TENM2: variants seen among roughly 807,000 people sequenced by gnomAD.
TENM2 encodes the protein teneurin transmembrane protein 2.
A neutral mutation model predicts 245.2 loss-of-function variants in TENM2; 52 were observed. The observed-to-expected ratio is 0.21, with a 90% CI of 0.17 to 0.27. The LOEUF is 0.27. TENM2 is among the 10% of genes least tolerant of loss of function. The pLI is 1.00. For missense variants in TENM2, 3,046 were observed against 3,666.8 expected, an observed-to-expected ratio of 0.83 and a Z score of 4.37; for synonymous variants, 1,363 against 1,438.9, an observed-to-expected ratio of 0.95 and a Z score of 1.19.
chr5:167,478,213 C>T (rs1482218099), intron 2 of TENM2, among the ~76,000 whole-genome samples: 2 of 152,160 alleles, frequency 1.3e-5, no homozygotes, highest in African/African-American at 4.8e-5. Context: ...GAAAATAAAA[C>T]AATCCAAATG....
exon 27 of TENM2, chr5:168,248,223 T>C: frequency 6.2e-7 from 1 of 1,613,978 alleles, no homozygotes; most frequent in Non-Finnish European, 8.5e-7. Flanking sequence ...TCACTCAGCG[T>C]GATTATGATG....
chr5:167,268,812 A>T, the TENM2 span, among the ~76,000 whole-genome samples: 1 of 152,008 alleles, frequency 6.6e-6, no homozygotes, highest in Non-Finnish European at 1.5e-5. Flanking sequence ...TTTACAGAAG[A>T]TGTTTGTTGA....
intron 2 of TENM2, among the ~76,000 whole-genome samples, chr5:167,562,236 C>T (rs200860648): frequency 2.0e-5 from 3 of 152,200 alleles, no homozygotes; most frequent in East Asian, 3.9e-4. Context: ...GAAAATTGAA[C>T]ATAGAGAGCT....
the TENM2 span, among the ~76,000 whole-genome samples, chr5:167,009,838 A>T: frequency 7.7e-3 from 1,170 of 152,264 alleles, 14 homozygotes; most frequent in African/African-American, 0.027. Context: ...CATCCATCAC[A>T]TTGGTTTTTA....
At chr5:167,766,649 G>A (rs1262777118) in intron 2 of TENM2, among the ~76,000 whole-genome samples, 1 of 152,088 alleles carries the variant, frequency 6.6e-6, no homozygotes, top group African/African-American at 2.4e-5. Flanking sequence ...GGCTGAGGCG[G>A]GCAGATCACC....
chr5:168,208,241 G>A (rs1386237745), intron 19 of TENM2, among the ~76,000 whole-genome samples: 10 of 152,206 alleles, frequency 6.6e-5, no homozygotes, highest in Non-Finnish European at 1.3e-4. Flanking sequence ...ATAAACATAA[G>A]AATCTCACAC....
At chr5:167,399,297 A>C (rs773680917) in intron 2 of TENM2, among the ~76,000 whole-genome samples, 41 of 152,176 alleles carry the variant, frequency 2.7e-4, no homozygotes, top group Non-Finnish European at 4.9e-4. Flanking sequence ...ATCAAAGCCA[A>C]TAATAAGCCA....
intron 14 of TENM2, among the ~76,000 whole-genome samples, chr5:168,191,508 G>A (rs1465724265): frequency 6.6e-6 from 1 of 152,108 alleles, no homozygotes; most frequent in Non-Finnish European, 1.5e-5. Flanking sequence ...CATCTCTGTG[G>A]TCCTTCACAT....
the TENM2 span, among the ~76,000 whole-genome samples, chr5:167,185,614 T>C: frequency 6.6e-6 from 1 of 152,258 alleles, no homozygotes; most frequent in South Asian, 2.1e-4. Flanking sequence ...TTCCATGAGA[T>C]TCTTATCTAG....
chr5:167,415,325 A>G (rs1032906379), intron 2 of TENM2, among the ~76,000 whole-genome samples: 2 of 152,152 alleles, frequency 1.3e-5, no homozygotes, highest in Non-Finnish European at 2.9e-5. Flanking sequence ...TGATATATGC[A>G]TATTTGTAGC....
At chr5:167,321,408 T>C (rs1383357309) in intron 1 of TENM2, among the ~76,000 whole-genome samples, 1 of 152,130 alleles carries the variant, frequency 6.6e-6, no homozygotes, top group African/African-American at 2.4e-5. Context: ...CACATAGAAG[T>C]TATTTTGAAG....
chr5:167,293,746 T>TA (rs1754790443), intron 1 of TENM2, among the ~76,000 whole-genome samples: 2 of 152,118 alleles, frequency 1.3e-5, no homozygotes, highest in African/African-American at 4.8e-5. Context: ...AACCTAAGTA[T>TA]AAAAAATGTA....
At chr5:167,530,494 A>G (rs1293151916) in intron 2 of TENM2, among the ~76,000 whole-genome samples, 1 of 152,086 alleles carries the variant, frequency 6.6e-6, no homozygotes, top group Non-Finnish European at 1.5e-5. Flanking sequence ...TTAGACCCTT[A>G]TATTTTTGGC....
intron 13 of TENM2, among the ~76,000 whole-genome samples, chr5:168,173,468 TCA>T (rs1179048671): frequency 6.6e-6 from 1 of 152,142 alleles, no homozygotes; most frequent in Non-Finnish European, 1.5e-5. Flanking sequence ...CTAGGGTACC[TCA>T]CAGTGAGTGT....
chr5:167,657,854 C>T, intron 2 of TENM2, among the ~76,000 whole-genome samples: 1 of 152,162 alleles, frequency 6.6e-6, no homozygotes, highest in East Asian at 1.9e-4. Flanking sequence ...GTTTGCCAGT[C>T]CCTGATCTAG....
the TENM2 span, among the ~76,000 whole-genome samples, chr5:167,239,875 C>A: frequency 1.3e-5 from 2 of 152,122 alleles, no homozygotes; most frequent in African/African-American, 4.8e-5. Context: ...CAGATTCAAG[C>A]GATTCTCCTG....
chr5:167,971,631 G>C (rs1256702920), intron 4 of TENM2, among the ~76,000 whole-genome samples: 2 of 152,106 alleles, frequency 1.3e-5, no homozygotes, highest in African/African-American at 4.8e-5. Flanking sequence ...AACCTGGGAG[G>C]CGAAGGTTGC....
chr5:166,981,650 A>G, the TENM2 span, among the ~76,000 whole-genome samples: 1 of 152,314 alleles, frequency 6.6e-6, no homozygotes, highest in East Asian at 1.9e-4. Context: ...GTTATGTAAC[A>G]TATTCAGATC....
intron 1 of TENM2, among the ~76,000 whole-genome samples, chr5:167,315,247 C>A (rs963668436): frequency 1.3e-5 from 2 of 151,974 alleles, no homozygotes; most frequent in South Asian, 2.1e-4. Context: ...AATTCAATGA[C>A]AAGGTGGATA....
Sources: gnomAD v4.1 joint callset for allele counts (sites outside exome capture counted in the v4.1 genomes callset) on GRCh38, gnomAD v4.1.1 for gene constraint, MANE v1.5 for transcripts, NCBI Gene and HGNC (gene_info 2026-07-23, HGNC 2026-07-21) for gene names.